The following SH3RF3 variants were observed in gnomAD, a reference collection of about 807,000 sequenced individuals.
SH3RF3 encodes E3 ubiquitin-protein ligase SH3RF3.
SH3RF3 carries 29 observed loss-of-function variants against 66.3 expected under a neutral mutation model. The ratio of observed to expected loss-of-function variants is 0.44; its 90% CI spans 0.33 to 0.60. The LOEUF is 0.60. Among genes scored for constraint, SH3RF3 ranks in the 20% least tolerant of loss-of-function variants. SH3RF3 has a pLI of 0.04. For synonymous variants in SH3RF3, 583 were observed against 532.0 expected (o/e 1.10, Z -1.32); for missense variants, 1,194 against 1,190.9 (o/e 1.00, Z -0.04).
chr2:109,298,012 G>A (rs1041893732), intron 1 of SH3RF3, among the ~76,000 whole-genome samples: 2 of 152,208 alleles, frequency 1.3e-5, no homozygotes, highest in Non-Finnish European at 2.9e-5. Flanking sequence ...GCTGGTGACA[G>A]CTGAGGCTGG....
At chr2:109,306,619 T>C (rs778506299) in intron 1 of SH3RF3, among the ~76,000 whole-genome samples, 3 of 152,248 alleles carry the variant, frequency 2.0e-5, no homozygotes, top group African/African-American at 4.8e-5. Context: ...CCCACTGTTA[T>C]GCAAGTATCG....
chr2:109,395,577 C>A (rs1175078006), intron 3 of SH3RF3, among the ~76,000 whole-genome samples: 1 of 152,190 alleles, frequency 6.6e-6, no homozygotes, highest in African/African-American at 2.4e-5. Flanking sequence ...TCACTTTCAG[C>A]ACCGGCCTTC....
At chr2:109,213,544 CAG>C (rs1259401547) in intron 1 of SH3RF3, among the ~76,000 whole-genome samples, 4 of 152,196 alleles carry the variant, frequency 2.6e-5, no homozygotes, top group Non-Finnish European at 5.9e-5. Flanking sequence ...TATCACCTAA[CAG>C]GGGGCTGGGC....
At chr2:109,369,329 C>T (rs1267040451) in intron 2 of SH3RF3, among the ~76,000 whole-genome samples, 2 of 152,052 alleles carry the variant, frequency 1.3e-5, no homozygotes, top group Non-Finnish European at 2.9e-5. Flanking sequence ...AGTCTGGCGA[C>T]AGCACAAGAC....
chr2:109,400,246 T>C (rs1676269722), intron 4 of SH3RF3, among the ~76,000 whole-genome samples: 1 of 150,926 alleles, frequency 6.6e-6, no homozygotes, highest in Non-Finnish European at 1.5e-5. Context: ...ACATATTACA[T>C]GGACACTTGA....
At chr2:109,476,952 C>T (rs1292124672) in intron 8 of SH3RF3, among the ~76,000 whole-genome samples, 3 of 152,204 alleles carry the variant, frequency 2.0e-5, no homozygotes, top group East Asian at 3.9e-4. Context: ...CCCTCATCAC[C>T]ACCTTGGTTT....
At chr2:109,259,960 C>T (rs1156798252) in intron 1 of SH3RF3, among the ~76,000 whole-genome samples, 1 of 152,102 alleles carries the variant, frequency 6.6e-6, no homozygotes, top group Non-Finnish European at 1.5e-5. Context: ...TCTCAGACGC[C>T]CAGGGGTTTT....
chr2:109,458,771 C>T (rs781524237), intron 8 of SH3RF3, among the ~76,000 whole-genome samples: 6 of 152,222 alleles, frequency 3.9e-5, no homozygotes, highest in African/African-American at 7.2e-5. Flanking sequence ...GCTGATTGGG[C>T]GAGGCCCACC....
At chr2:109,180,516 C>G (rs1487376061) in intron 1 of SH3RF3, among the ~76,000 whole-genome samples, 1 of 152,164 alleles carries the variant, frequency 6.6e-6, no homozygotes, top group Non-Finnish European at 1.5e-5. Context: ...ATTGTACTCT[C>G]ATAATTCCCA....
intron 7 of SH3RF3, among the ~76,000 whole-genome samples, chr2:109,440,481 A>G (rs1252690967): frequency 1.3e-5 from 2 of 152,250 alleles, no homozygotes; most frequent in Non-Finnish European, 2.9e-5. Flanking sequence ...GTTGAATAAT[A>G]GACATAGTCA....
intron 8 of SH3RF3, among the ~76,000 whole-genome samples, chr2:109,455,124 G>T (rs1678003319): frequency 6.6e-6 from 1 of 152,186 alleles, no homozygotes; most frequent in South Asian, 2.1e-4. Flanking sequence ...GGGAATGCTG[G>T]CCTCCTGCCT....
intron 1 of SH3RF3, among the ~76,000 whole-genome samples, chr2:109,193,574 T>G (rs991643143): frequency 4.6e-5 from 7 of 152,226 alleles, no homozygotes; most frequent in African/African-American, 1.7e-4. Context: ...CCATGTGGTA[T>G]GTGCCATTCA....
chr2:109,500,351 G>GC (rs1679357495), intron 9 of SH3RF3, among the ~76,000 whole-genome samples: 1 of 152,130 alleles, frequency 6.6e-6, no homozygotes, highest in South Asian at 2.1e-4. Context: ...AGCCCAGAGA[G>GC]CCCCTGGGGT....
intron 1 of SH3RF3, among the ~76,000 whole-genome samples, chr2:109,334,271 T>C (rs1340440973): frequency 6.7e-6 from 1 of 149,844 alleles, no homozygotes; most frequent in Non-Finnish European, 1.5e-5. Context: ...GGTGGGAGGA[T>C]TGCTTGAGCC....
At position 109,129,283 on chromosome 2, in the gene SH3RF3, CCCGCAG is replaced by C. The variant is rs1558914623; in HGVS notation, c.-251_-246del. 7.6e-6 allele frequency: 5 copies of C among 660,636 alleles called. No individual in the cohort carries two copies. The highest frequency in any genetic ancestry group is 6.7e-5 in the South Asian group (4 of 59,636). The allele number at this position is 660,636 out of a possible 1,614,324, so 40.9% of individuals were successfully genotyped here. On this transcript the variant is annotated 5_prime_UTR_variant, in exon 1 of 10. Coordinates refer to ENST00000309415, the MANE Select transcript of SH3RF3 (RefSeq NM_001099289.3). ...CGGACTTGCGGCGGGACAGGTGTAG[CCCGCAG>C]CCGCAGGCGCTGCGCTCAGGACTGG...
chr2:109,145,118 CTCTG>C (rs1272987768), intron 1 of SH3RF3, among the ~76,000 whole-genome samples: 4 of 152,344 alleles, frequency 2.6e-5, no homozygotes, highest in African/African-American at 9.6e-5. Context: ...CCCTCACCGG[CTCTG>C]TCTGTGTCTC....
chr2:109,488,528 C>T (rs1679040747), intron 8 of SH3RF3, among the ~76,000 whole-genome samples: 1 of 152,206 alleles, frequency 6.6e-6, no homozygotes, highest in Non-Finnish European at 1.5e-5. Flanking sequence ...ACATCGTGGC[C>T]TGAACAAGCC....
chr2:109,490,818 A>G lies in SH3RF3; in HGVS notation c.2362A>G (p.Met788Val), dbSNP rs903500707. ...GAGCGAGATGCAGGGTGCCATGGGG[A>G]TGGAGCCTCTGCACAGGAAGGCAGG... ...IESEMQGAMG[M>V]EPLHRKAGSL... The change falls in exon 9 of 10, where the codon ATG (methionine) becomes GTG (valine). Residue 788 changes from methionine (M) to valine (V), a missense_variant. By Grantham distance (21) the Met-to-Val change is conservative. Coordinates refer to ENST00000309415, the MANE Select transcript of SH3RF3 (RefSeq NM_001099289.3). 3 of 1,536,866 alleles carry G rather than the reference A, an allele frequency of 2.0e-6. No homozygotes were observed. The highest frequency in any genetic ancestry group is 1.7e-4 in the Middle Eastern group (1 of 6,012).
intron 1 of SH3RF3, among the ~76,000 whole-genome samples, chr2:109,333,000 GGGTC>G (rs1682323293): frequency 6.6e-6 from 1 of 152,240 alleles, no homozygotes; most frequent in Admixed American, 6.5e-5. Flanking sequence ...CTAGCCTGCT[GGGTC>G]ATGTATTCGT....
Sources: allele counts gnomAD v4.1 joint callset (sites outside exome capture counted in the v4.1 genomes callset), GRCh38; gene constraint gnomAD v4.1.1; transcripts MANE v1.5; gene names NCBI Gene and HGNC (gene_info 2026-07-23, HGNC 2026-07-21).